MAPKAP1: variants seen among roughly 807,000 people sequenced by gnomAD.
MAPKAP1 encodes target of rapamycin complex 2 subunit MAPKAP1.
In MAPKAP1, 20 loss-of-function variants were observed where a neutral mutation model predicts 65.7. The observed-to-expected ratio is 0.30, with a 90% CI of 0.21 to 0.44. The LOEUF (loss-of-function observed/expected upper bound fraction) is 0.44. Ranked by LOEUF, MAPKAP1 falls within the 20% of genes least tolerant of loss-of-function variation. The pLI is 1.00. For synonymous variants in MAPKAP1, 222 were observed against 244.3 expected, an observed-to-expected ratio of 0.91 and a Z score of 0.85; for missense variants, 423 against 648.0, an observed-to-expected ratio of 0.65 and a Z score of 3.77.
chr9:125,672,198 T>C, intron 2 of MAPKAP1, 118 bp downstream of exon 2: 1 of 1,118,300 alleles, frequency 8.9e-7, no homozygotes, highest in Middle Eastern at 2.3e-4. Context: ...GACATATGCA[T>C]GTTCCTATTA....
chr9:125,700,890 T>C (rs1380550997), intron 1 of MAPKAP1, among the ~76,000 whole-genome samples: 1 of 152,206 alleles, frequency 6.6e-6, no homozygotes, highest in Non-Finnish European at 1.5e-5. Flanking sequence ...CTGTGCTGGG[T>C]GTCTCTACGC....
intron 7 of MAPKAP1, among the ~76,000 whole-genome samples, chr9:125,516,580 C>T (rs1564538649): frequency 6.6e-6 from 1 of 152,176 alleles, no homozygotes. Flanking sequence ...CTTCATCAGC[C>T]AAAGGAGGAG....
At chr9:125,568,878 G>T in intron 5 of MAPKAP1, 1 of 177,992 alleles carries the variant, frequency 5.6e-6, no homozygotes, top group South Asian at 1.5e-4. Flanking sequence ...TCAGATTTCT[G>T]GCTTCTTCCT....
At chr9:125,489,319 G>T (rs1854615266) in intron 8 of MAPKAP1, among the ~76,000 whole-genome samples, 1 of 152,112 alleles carries the variant, frequency 6.6e-6, no homozygotes, top group Non-Finnish European at 1.5e-5. Flanking sequence ...TGCTGAACTG[G>T]GTCTCCTCGT....
intron 9 of MAPKAP1, chr9:125,472,031 G>T: frequency 6.6e-6 from 1 of 152,296 alleles, no homozygotes. Context: ...TTCTACTGAC[G>T]AGGAAACAGA....
chr9:125,560,376 A>T (rs1317561546), intron 5 of MAPKAP1, among the ~76,000 whole-genome samples: 1 of 152,060 alleles, frequency 6.6e-6, no homozygotes, highest in African/African-American at 2.4e-5. Context: ...GCTTGATCCC[A>T]GGAGTTCAAG....
intron 7 of MAPKAP1, chr9:125,521,831 A>C: frequency 1.3e-6 from 2 of 1,523,758 alleles, no homozygotes; most frequent in Middle Eastern, 1.7e-4. Flanking sequence ...TCTGAGCTAC[A>C]TGAAAGTGGT....
chr9:125,678,305 C>G (rs1834715161), intron 1 of MAPKAP1, among the ~76,000 whole-genome samples: 1 of 151,484 alleles, frequency 6.6e-6, no homozygotes, highest in Non-Finnish European at 1.5e-5. Context: ...AGTGCAGTGG[C>G]TATCTCTGCT....
intron 1 of MAPKAP1, among the ~76,000 whole-genome samples, chr9:125,679,159 G>A (rs1274011625): frequency 1.3e-5 from 2 of 152,012 alleles, no homozygotes; most frequent in Admixed American, 6.6e-5. Flanking sequence ...GCACCACCAC[G>A]CCCCACTAAG....
At chr9:125,516,624 T>C (rs1829469393) in intron 7 of MAPKAP1, among the ~76,000 whole-genome samples, 4 of 152,238 alleles carry the variant, frequency 2.6e-5, no homozygotes, top group African/African-American at 9.6e-5. Flanking sequence ...CCCAATGTTT[T>C]ACAATCTCTA....
chr9:125,589,604 TTAACTC>T (rs1831893747), intron 4 of MAPKAP1, among the ~76,000 whole-genome samples: 1 of 152,322 alleles, frequency 6.6e-6, no homozygotes, highest in South Asian at 2.1e-4. Flanking sequence ...GGTTCCATCT[TTAACTC>T]TATAATTCTA....
At chr9:125,445,113 C>G (rs569245268) in intron 10 of MAPKAP1, among the ~76,000 whole-genome samples, 2 of 151,648 alleles carry the variant, frequency 1.3e-5, no homozygotes, top group Non-Finnish European at 2.9e-5. Flanking sequence ...TCCCAAAGGC[C>G]TCAGGTCATC....
At chr9:125,539,419 C>T (rs1215281283) in intron 7 of MAPKAP1, among the ~76,000 whole-genome samples, 1 of 152,202 alleles carries the variant, frequency 6.6e-6, no homozygotes, top group African/African-American at 2.4e-5. Flanking sequence ...GCAAACCCCA[C>T]TTTGATGCTC....
chr9:125,694,078 C>T (rs1347674138), intron 1 of MAPKAP1, among the ~76,000 whole-genome samples: 1 of 151,754 alleles, frequency 6.6e-6, no homozygotes, highest in African/African-American at 2.4e-5. Context: ...CTTGTAATCC[C>T]AGCACTTTGG....
chr9:125,563,731 T>TTA (rs67605427), intron 5 of MAPKAP1, among the ~76,000 whole-genome samples: 25,172 of 144,846 alleles, frequency 0.17, 2,536 homozygotes, highest in Non-Finnish European at 0.24. Context: ...TATTATTATT[T>TTA]TTGAGATGGA....
intron 4 of MAPKAP1, among the ~76,000 whole-genome samples, chr9:125,619,927 C>T (rs1832849511): frequency 6.6e-6 from 1 of 152,118 alleles, no homozygotes; most frequent in African/African-American, 2.4e-5. Context: ...AAGAATCCAA[C>T]ACATCTGAGC....
chr9:125,645,644 G>A (rs1467431405), intron 4 of MAPKAP1, among the ~76,000 whole-genome samples: 1 of 147,616 alleles, frequency 6.8e-6, no homozygotes, highest in South Asian at 2.1e-4. Flanking sequence ...GGCTGAGGCA[G>A]AAGAATCACT....
At chr9:125,640,307 G>T (rs926073911) in intron 4 of MAPKAP1, among the ~76,000 whole-genome samples, 9 of 152,020 alleles carry the variant, frequency 5.9e-5, no homozygotes, top group Admixed American at 5.9e-4. Flanking sequence ...GTTTCATCGT[G>T]TTAGCCAGGA....
chr9:125,643,410 G>T (rs1293138398), intron 4 of MAPKAP1, among the ~76,000 whole-genome samples: 4 of 152,034 alleles, frequency 2.6e-5, no homozygotes, highest in African/African-American at 4.8e-5. Flanking sequence ...GGCCAGGCTG[G>T]TCTCAAACTC....
Sources: allele counts gnomAD v4.1 joint callset (sites outside exome capture counted in the v4.1 genomes callset), GRCh38; gene constraint gnomAD v4.1.1; transcripts MANE v1.5; gene names NCBI Gene and HGNC (gene_info 2026-07-23, HGNC 2026-07-21).